GALNTL6: variants seen among roughly 807,000 people sequenced by gnomAD.
The protein encoded by GALNTL6 is polypeptide N-acetylgalactosaminyltransferase-like 6.
In GALNTL6, 46 loss-of-function variants were observed where a neutral mutation model predicts 73.7. That is an observed-to-expected ratio of 0.62 (90% confidence interval 0.49 to 0.80). GALNTL6 has a LOEUF of 0.80. GALNTL6 is among the 30% of genes least tolerant of loss of function. GALNTL6 has a pLI of 0.00. For synonymous variants in GALNTL6, 259 were observed against 263.7 expected (o/e 0.98, Z 0.17); for missense variants, 604 against 755.0 (o/e 0.80, Z 2.34).
chr4:172,947,856 A>G (rs959425724), intron 9 of GALNTL6, among the ~76,000 whole-genome samples: 5 of 152,176 alleles, frequency 3.3e-5, no homozygotes, highest in South Asian at 2.1e-4. Flanking sequence ...CAATGAGTAT[A>G]TGATTTTCCT....
intron 10 of GALNTL6, among the ~76,000 whole-genome samples, chr4:172,956,198 T>A (rs1189679259): frequency 6.6e-6 from 1 of 151,878 alleles, no homozygotes. Context: ...GGATTAGGAG[T>A]GGCGTGGGAA....
intron 5 of GALNTL6, among the ~76,000 whole-genome samples, chr4:172,550,714 C>A (rs2110898198): frequency 6.6e-6 from 1 of 152,306 alleles, no homozygotes; most frequent in South Asian, 2.1e-4. Context: ...CCCCCAGCCT[C>A]AGCCTCTCAT....
intron 5 of GALNTL6, among the ~76,000 whole-genome samples, chr4:172,704,056 CTAATT>C (rs1233436072): frequency 1.3e-5 from 2 of 151,856 alleles, no homozygotes; most frequent in Non-Finnish European, 2.9e-5. Context: ...TTTTTAATCT[CTAATT>C]TTATTTATTT....
At chr4:172,284,047 G>A (rs1165806201) in intron 3 of GALNTL6, among the ~76,000 whole-genome samples, 1 of 152,028 alleles carries the variant, frequency 6.6e-6, no homozygotes, top group Non-Finnish European at 1.5e-5. Flanking sequence ...AAATATGAGT[G>A]AAGGTGGAAT....
chr4:171,912,549 T>C (rs1313507462), intron 2 of GALNTL6, among the ~76,000 whole-genome samples: 2 of 152,194 alleles, frequency 1.3e-5, no homozygotes, highest in Admixed American at 1.3e-4. Flanking sequence ...TTTCTTTGTG[T>C]TGGGAACATT....
chr4:172,827,659 C>G (rs1178489078), intron 7 of GALNTL6, among the ~76,000 whole-genome samples: 1 of 152,036 alleles, frequency 6.6e-6, no homozygotes, highest in Non-Finnish European at 1.5e-5. Flanking sequence ...ATTGCTCTTG[C>G]AAATGAAAGC....
intron 2 of GALNTL6, among the ~76,000 whole-genome samples, chr4:171,849,334 A>G (rs995111445): frequency 2.0e-4 from 31 of 152,202 alleles, no homozygotes; most frequent in African/African-American, 7.0e-4. Context: ...CCATTTATGT[A>G]TTAAGTTTAT....
At chr4:173,026,672 C>G (rs370504218) in intron 12 of GALNTL6, among the ~76,000 whole-genome samples, 11 of 152,160 alleles carry the variant, frequency 7.2e-5, no homozygotes, top group African/African-American at 2.7e-4. Context: ...TGTGCAGCAC[C>G]TACTTGAGTC....
chr4:171,952,934 C>T (rs1738926794), intron 2 of GALNTL6, among the ~76,000 whole-genome samples: 3 of 151,820 alleles, frequency 2.0e-5, no homozygotes, highest in Admixed American at 1.3e-4. Context: ...AAATTAAATG[C>T]TAGAATTAAT....
At chr4:172,705,239 T>C (rs945800707) in intron 5 of GALNTL6, among the ~76,000 whole-genome samples, 2 of 151,660 alleles carry the variant, frequency 1.3e-5, no homozygotes, top group African/African-American at 4.8e-5. Flanking sequence ...ATGGTTGTTT[T>C]GTAGCTCCTC....
rs577744492 is a variant in GALNTL6, at chr4:172,137,453, C to A, written c.139-92203C>A. ...TGGTAATAGTTTCTTCTTCAGTTAA[C>A]AGATAAATTGACTGAAAGTTTATTT... is the stretch of plus-strand genomic sequence containing the variant. On this transcript the variant is annotated intron_variant, in intron 2 of 12. Coordinates refer to ENST00000506823, the MANE Select transcript of GALNTL6 (RefSeq NM_001034845.3). Among the ~76,000 whole-genome samples the A allele has an allele frequency of 2.6e-5, 4 of 152,218 alleles. No homozygotes were observed. The South Asian group carries it at 8.3e-4, about 32-fold the overall frequency.
chr4:172,417,571 C>G (rs1028979412), intron 5 of GALNTL6, among the ~76,000 whole-genome samples: 6 of 152,138 alleles, frequency 3.9e-5, no homozygotes, highest in Non-Finnish European at 8.8e-5. Context: ...ATTGCTTGAA[C>G]CCAGGAGACA....
chr4:172,996,753 T>C (rs763971342), intron 10 of GALNTL6, among the ~76,000 whole-genome samples: 2 of 152,182 alleles, frequency 1.3e-5, no homozygotes, highest in Non-Finnish European at 2.9e-5. Context: ...TACCCCTGGC[T>C]GTTGATCACA....
At chr4:172,845,522 C>T (rs1270594914) in intron 7 of GALNTL6, among the ~76,000 whole-genome samples, 4 of 152,118 alleles carry the variant, frequency 2.6e-5, no homozygotes, top group Non-Finnish European at 4.4e-5. Context: ...TTCCTGATGC[C>T]GGCTTTGAAT....
At chr4:172,327,632 A>G (rs1413418193) in intron 4 of GALNTL6, among the ~76,000 whole-genome samples, 1 of 151,964 alleles carries the variant, frequency 6.6e-6, no homozygotes, top group Non-Finnish European at 1.5e-5. Flanking sequence ...TGAACCCTTC[A>G]CCATTATGTA....
intron 5 of GALNTL6, among the ~76,000 whole-genome samples, chr4:172,420,870 T>C (rs898398793): frequency 3.3e-5 from 5 of 152,056 alleles, no homozygotes; most frequent in Admixed American, 3.3e-4. Context: ...TTCAGGGACA[T>C]GGATGAAGCT....
intron 7 of GALNTL6, among the ~76,000 whole-genome samples, chr4:172,872,946 C>A (rs576277622): frequency 2.6e-5 from 4 of 152,334 alleles, no homozygotes; most frequent in African/African-American, 9.6e-5. Context: ...CCATTACCTC[C>A]TAACGGGGCT....
At chr4:172,702,706 C>T (rs1734095393) in intron 5 of GALNTL6, among the ~76,000 whole-genome samples, 1 of 152,060 alleles carries the variant, frequency 6.6e-6, no homozygotes, top group East Asian at 1.9e-4. Context: ...TTTTGGAAGC[C>T]TCTAGAACTG....
At chr4:172,823,536 T>C (rs897022012) in intron 7 of GALNTL6, among the ~76,000 whole-genome samples, 2 of 152,170 alleles carry the variant, frequency 1.3e-5, no homozygotes, top group Non-Finnish European at 2.9e-5. Flanking sequence ...GTTGTGTATA[T>C]TTGAAAAAGG....
Sources: allele counts gnomAD v4.1 joint callset (sites outside exome capture counted in the v4.1 genomes callset), GRCh38; gene constraint gnomAD v4.1.1; transcripts MANE v1.5; gene names NCBI Gene and HGNC (gene_info 2026-07-23, HGNC 2026-07-21).